PCDHGA8: variants seen among roughly 807,000 people sequenced by gnomAD.
The protein encoded by PCDHGA8 is protocadherin gamma-A8.
In PCDHGA8, 45 loss-of-function variants were observed where a neutral mutation model predicts 59.2. The ratio of observed to expected loss-of-function variants is 0.76; its 90% CI spans 0.60 to 0.98. PCDHGA8 has a LOEUF of 0.98. Ranked by LOEUF, PCDHGA8 falls within the 50% of genes least tolerant of loss-of-function variation. The pLI, the probability that PCDHGA8 is intolerant of heterozygous loss-of-function variation, is 0.00. For missense variants in PCDHGA8, 1,257 were observed against 1,196.2 expected, an observed-to-expected ratio of 1.05 and a Z score of -0.75; for synonymous variants, 531 against 519.0, an observed-to-expected ratio of 1.02 and a Z score of -0.32.
intron 1 of PCDHGA8, among the ~76,000 whole-genome samples, chr5:141,400,896 A>G (rs193291751): frequency 2.6e-5 from 4 of 152,214 alleles, no homozygotes; most frequent in Admixed American, 2.6e-4. Context: ...TAATCATTTA[A>G]TTCATCTTTT....
chr5:141,446,639 G>C (rs1461520959), intron 1 of PCDHGA8, among the ~76,000 whole-genome samples: 1 of 152,116 alleles, frequency 6.6e-6, no homozygotes, highest in Non-Finnish European at 1.5e-5. Context: ...ACCACGCCTG[G>C]CTAATTTTTG....
chr5:141,457,495 T>C (rs2098922394), intron 1 of PCDHGA8, among the ~76,000 whole-genome samples: 1 of 152,204 alleles, frequency 6.6e-6, no homozygotes, highest in Admixed American at 6.5e-5. Context: ...GTCTAAAATG[T>C]AGGCAAAAAG....
intron 1 of PCDHGA8, chr5:141,440,564 A>T (rs531383065): frequency 1.3e-5 from 2 of 152,248 alleles, no homozygotes; most frequent in Non-Finnish European, 2.9e-5. Context: ...TAAGTTACGT[A>T]TCTCTGAGTT....
intron 1 of PCDHGA8, chr5:141,397,999 G>GA (rs2093596115): frequency 2.9e-6 from 4 of 1,387,690 alleles, no homozygotes; most frequent in African/African-American, 2.9e-5. Flanking sequence ...TTCCTCCTCG[G>GA]AAAAAGAATC....
At chr5:141,421,934 T>C (rs1478005202) in intron 1 of PCDHGA8, 1 of 1,613,548 alleles carries the variant, frequency 6.2e-7, no homozygotes, top group Admixed American at 1.7e-5. Context: ...GTCCTCGATG[T>C]AAATGATCAC....
At chr5:141,421,828 C>T in intron 1 of PCDHGA8, 1 of 1,613,796 alleles carries the variant, frequency 6.2e-7, no homozygotes, top group Non-Finnish European at 8.5e-7. Context: ...GGAGGGAAGC[C>T]TGGACCGAGA....
In PCDHGA8 at chr5:141,399,858, T is replaced by G. The variant is rs1003401029; in HGVS notation, c.2424+4621T>G. On this transcript the variant is annotated intron_variant, in intron 1 of 3. Transcript: ENST00000398604. The stretch of plus-strand genomic sequence containing the variant: ...CGCTCTTCGATATGGTGCCGCGCGC[T>G]GCAGAGCCCGGCTACCTGGTGACCA... The G allele has an allele frequency of 3.7e-6, 6 of 1,612,764 alleles. No individual in the cohort carries two copies. In the African/African-American group the frequency reaches 6.7e-5, roughly 18 times the overall value.
At chr5:141,506,636 C>T (rs1421676205) in intron 3 of PCDHGA8, among the ~76,000 whole-genome samples, 2 of 152,020 alleles carry the variant, frequency 1.3e-5, no homozygotes, top group South Asian at 2.1e-4. Context: ...AATGCAAGTC[C>T]CTCAGCACAG....
rs1394484191 is a variant in PCDHGA8 at position 141,486,006 on chromosome 5, C to T, written c.2425-8801C>T. The T allele has an allele frequency of 6.2e-7, 1 of 1,614,190 alleles. No individual in the cohort carries two copies. Among genetic ancestry groups the T allele is most frequent in the Non-Finnish European group, 8.5e-7 (1 of 1,180,026 alleles). Reference sequence around the variant, plus strand: ...GACCTGGGTCCCAGTGGTAACGTCACCTTTTATTTCAGTGGTCATACCCCT... The same window carrying T: ...GACCTGGGTCCCAGTGGTAACGTCATCTTTTATTTCAGTGGTCATACCCCT... On this transcript the variant is annotated intron_variant, in intron 1 of 3. Coordinates refer to ENST00000398604, the MANE Select transcript of PCDHGA8 (RefSeq NM_032088.2). This position sits in a 1 kb window ranked among gnomAD's most constrained non-coding sequence, Gnocchi z 5.0.
intron 1 of PCDHGA8, among the ~76,000 whole-genome samples, chr5:141,447,463 C>T (rs1004772636): frequency 6.6e-6 from 1 of 152,142 alleles, no homozygotes; most frequent in African/African-American, 2.4e-5. Context: ...AGTTTTTCTT[C>T]ACCATCTGTA....
At position 141,454,796 on chromosome 5, in the gene PCDHGA8, A is replaced by ATTTTT. The variant is rs61612330; in HGVS notation, c.2425-39986_2425-39982dup. ...AAGGAAATAATCCTCCATGGTTCTA[A>ATTTTT]TTTTTTTTTTTTTTTTTTTTTTTTT... On this transcript the variant is annotated intron_variant, in intron 1 of 3. Coordinates refer to ENST00000398604, the MANE Select transcript of PCDHGA8 (RefSeq NM_032088.2). 4.5e-3 allele frequency among the ~76,000 whole-genome samples: 350 copies of ATTTTT among 77,444 alleles called. 39 individuals are homozygous for ATTTTT. The highest frequency in any genetic ancestry group is 0.016 in the African/African-American group (266 of 16,872). The allele number at this position is 77,444 out of a possible 152,430, so 50.8% of individuals were successfully genotyped here.
chr5:141,482,086 T>C (rs1435200188), intron 1 of PCDHGA8, among the ~76,000 whole-genome samples: 6 of 93,070 alleles, frequency 6.4e-5, no homozygotes, highest in African/African-American at 3.7e-4. Flanking sequence ...ACTCACTCCA[T>C]CTCAAAAAAA....
At chr5:141,464,676 T>A (rs1337677151) in intron 1 of PCDHGA8, among the ~76,000 whole-genome samples, 1 of 152,176 alleles carries the variant, frequency 6.6e-6, no homozygotes. Flanking sequence ...ATAATTTTAA[T>A]TAAAATTTCT....
chr5:141,413,010 C>A, intron 1 of PCDHGA8: 1 of 640,210 alleles, frequency 1.6e-6, no homozygotes. Flanking sequence ...AGGGCTTCAA[C>A]TACACAAGCC....
At chr5:141,423,150 G>T in intron 1 of PCDHGA8, 1 of 1,613,538 alleles carries the variant, frequency 6.2e-7, no homozygotes, top group Non-Finnish European at 8.5e-7. Flanking sequence ...CGCTCAAGCA[G>T]AGCCTCGTGG....
intron 1 of PCDHGA8, among the ~76,000 whole-genome samples, chr5:141,420,762 T>A (rs1221355822): frequency 6.6e-6 from 1 of 152,222 alleles, no homozygotes; most frequent in Non-Finnish European, 1.5e-5. Context: ...AACCTACAAG[T>A]TTTCAGCTCC....
At chr5:141,427,492 T>C (rs894605769) in intron 1 of PCDHGA8, 1 of 555,624 alleles carries the variant, frequency 1.8e-6, no homozygotes, top group Non-Finnish European at 3.4e-6. Context: ...TATAAGCTTG[T>C]AACAGATGGG....
chr5:141,481,676 G>T (rs975849679), intron 1 of PCDHGA8, among the ~76,000 whole-genome samples: 1 of 152,028 alleles, frequency 6.6e-6, no homozygotes, highest in Non-Finnish European at 1.5e-5. Flanking sequence ...AAATCAGGCC[G>T]GGCCTGGTGG....
chr5:141,400,867 C>A (rs1005203103), intron 1 of PCDHGA8, among the ~76,000 whole-genome samples: 37 of 152,162 alleles, frequency 2.4e-4, no homozygotes, highest in African/African-American at 8.9e-4. Context: ...TGTAGATAAA[C>A]CATTAAATTT....
Sources: allele counts gnomAD v4.1 joint callset (sites outside exome capture counted in the v4.1 genomes callset), GRCh38; gene constraint gnomAD v4.1.1; non-coding constraint Gnocchi (gnomAD v3.1); transcripts MANE v1.5; gene names NCBI Gene and HGNC (gene_info 2026-07-23, HGNC 2026-07-21).